Variants in CFAP298 observed in about 807,000 individuals in gnomAD.
CFAP298 encodes cilia and flagella associated protein 298, also known as cilia- and flagella-associated protein 298.
CFAP298 carries 38 observed loss-of-function variants against 41.0 expected under a neutral mutation model. The observed-to-expected ratio is 0.93, with a 90% confidence interval of 0.72 to 1.22. CFAP298 has a LOEUF of 1.22. Ranked by LOEUF, CFAP298 falls within the 50% of genes most tolerant of loss-of-function variation. The probability of loss-of-function intolerance (pLI) is 0.00; values close to 1 mark genes in which losing one functional copy is unlikely to be tolerated. For synonymous variants in CFAP298, 137 were observed against 135.3 expected, an observed-to-expected ratio of 1.01 and a Z score of -0.09; for missense variants, 348 against 360.3, an observed-to-expected ratio of 0.97 and a Z score of 0.28.
chr21:32,601,702 C>A lies in CFAP298; in HGVS notation c.*161G>T. 1.8e-6 allele frequency: 1 copy of A among 561,636 alleles called. No individual in the cohort carries two copies. The highest frequency in any genetic ancestry group is 3.2e-6 in the Non-Finnish European group (1 of 315,940). 34.8% of individuals were successfully genotyped at this position (561,636 alleles called of 1,614,324 possible). ...ACTAGGTATTTATTAAGTTCTAAAA[C>A]CTTGAATAACTGCTATTTTAAAAAT... On this transcript the variant is annotated 3_prime_UTR_variant, in exon 7 of 7. Transcript: ENST00000290155.
rs901289333 is a variant in CFAP298 at position 32,601,216 on chromosome 21, A to G, written c.*647T>C. Reference sequence around the variant, plus strand: ...CTAGTGGTCACTAGTGGTCACTGCCAGTCATCAGCTTTCCTCCAATAAACC... The same window carrying G: ...CTAGTGGTCACTAGTGGTCACTGCCGGTCATCAGCTTTCCTCCAATAAACC... On this transcript the variant is annotated 3_prime_UTR_variant, in exon 7 of 7. Coordinates refer to ENST00000290155, the MANE Select transcript of CFAP298 (RefSeq NM_021254.4). 1.3e-5 allele frequency among the ~76,000 whole-genome samples: 2 copies of G among 151,814 alleles called. No individual in the cohort carries two copies. The highest frequency in any genetic ancestry group is 2.9e-5 in the Non-Finnish European group (2 of 67,936).
chr21:32,603,657 C>A (rs1008720769), intron 4 of CFAP298, among the ~76,000 whole-genome samples: 1 of 152,178 alleles, frequency 6.6e-6, no homozygotes, highest in South Asian at 2.1e-4. Flanking sequence ...CTGCATATTT[C>A]ATTTATTTAA....
intron 5 of CFAP298, 64 bp downstream of exon 5, chr21:32,603,097 C>T (rs1413851641): frequency 6.4e-7 from 1 of 1,566,930 alleles, no homozygotes; most frequent in South Asian, 1.1e-5. Context: ...ATTCACTGTA[C>T]ATTTTTATCA....
At chr21:32,602,785 G>A (rs757493885) in intron 5 of CFAP298, 16 of 1,339,966 alleles carry the variant, frequency 1.2e-5, no homozygotes, top group Non-Finnish European at 1.5e-5. Flanking sequence ...TCCTTCAAAG[G>A]TCTCGAACCT....
chr21:32,601,288 CTTTTTTTT>C lies in CFAP298; in HGVS notation c.*567_*574del, dbSNP rs1158009254. On this transcript the variant is annotated 3_prime_UTR_variant, in exon 7 of 7. Transcript: ENST00000290155. Reference sequence around the variant, plus strand: ...CAATCAGGAAGAAAAAAAAGTGTAGCTTTTTTTTTTTTTTTTTTTTTTTTTGAGACAAG... The same window carrying C: ...CAATCAGGAAGAAAAAAAAGTGTAGCTTTTTTTTTTTTTTTTTGAGACAAG... Among the ~76,000 whole-genome samples the C allele has an allele frequency of 9.8e-5, 9 of 92,282 alleles. No homozygotes were observed. Among genetic ancestry groups the C allele is most frequent in the African/African-American group, 3.6e-4 (8 of 22,026 alleles). 60.5% of individuals were successfully genotyped at this position (92,282 alleles called of 152,430 possible). A position where few individuals can be genotyped will look rare whatever the true frequency, so the allele number is the denominator to read the frequency against.
At position 32,604,122 on chromosome 21, in the gene CFAP298, T is replaced by C. The variant is rs1480503799; in HGVS notation, c.534+3A>G. On this transcript the variant is annotated splice_donor_region_variant and intron_variant, in intron 4 of 6. Transcript: ENST00000290155. ...CCAGAGTACCCACTCACAAACTACG[T>C]ACCTGTGTTCCCGACAAGTCTTCCT... The C allele has an allele frequency of 1.9e-6, 3 of 1,613,180 alleles. No homozygotes were observed. Among genetic ancestry groups the C allele is most frequent in the Non-Finnish European group, 2.5e-6 (3 of 1,179,766 alleles).
chr21:32,604,572 G>A (rs1188421798), intron 3 of CFAP298: 2 of 360,826 alleles, frequency 5.5e-6, no homozygotes, highest in East Asian at 5.6e-5. Context: ...AGTGAGGATC[G>A]GGAGATACGG....
intron 3 of CFAP298, among the ~76,000 whole-genome samples, chr21:32,606,990 G>A (rs2038879620): frequency 6.6e-6 from 1 of 152,172 alleles, no homozygotes; most frequent in African/African-American, 2.4e-5. Context: ...TGTCTGGAGA[G>A]CTACTCGATG....
At chr21:32,602,518 G>A in intron 5 of CFAP298, 151 bp from the exon 6 acceptor site, 2 of 1,440,954 alleles carry the variant, frequency 1.4e-6, no homozygotes, top group African/African-American at 1.4e-5. Flanking sequence ...AGCATCAAGG[G>A]AAGCCTTGGT....
chr21:32,603,136 A>C (rs1200420735), intron 5 of CFAP298, 25 bp downstream of exon 5: 2 of 1,613,894 alleles, frequency 1.2e-6, no homozygotes, highest in East Asian at 4.5e-5. Flanking sequence ...AAAACTACTG[A>C]CACATTAAAG....
At chr21:32,602,044 A>T (rs2038753141) in intron 6 of CFAP298, 71 bp from the exon 7 acceptor site, 4 of 1,045,798 alleles carry the variant, frequency 3.8e-6, no homozygotes, top group African/African-American at 1.6e-5. Flanking sequence ...GACTGAAGAA[A>T]GAGTCCATGA....
chr21:32,602,790 G>A lies in CFAP298; in HGVS notation c.666+371C>T, dbSNP rs1025722204. ...CTACACGATGTCCTTCAAAGGTCTC[G>A]AACCTTTCCTCCTCCCCCTCCTGTA... On this transcript the variant is annotated intron_variant, in intron 5 of 6. Transcript: ENST00000290155. The A allele has an allele frequency of 8.9e-6, 12 of 1,346,482 alleles. No individual in the cohort carries two copies. In the Admixed American group the frequency reaches 1.4e-4, roughly 15 times the overall value. The allele number at this position is 1,346,482 out of a possible 1,614,324, so 83.4% of individuals were successfully genotyped here.
chr21:32,601,377 A>AC lies in CFAP298; in HGVS notation c.*485_*486insG, dbSNP rs572811332. ...AGTGGCAGTGATCTTGGCTCACTGT[A>AC]AGCTCCACCTCCCGGGTTCACGCCA... On this transcript the variant is annotated 3_prime_UTR_variant, in exon 7 of 7. Transcript: ENST00000290155. 6.1e-3 allele frequency among the ~76,000 whole-genome samples: 848 copies of AC among 138,566 alleles called. 2 individuals are homozygous for AC. The highest frequency in any genetic ancestry group is 9.5e-3 in the Non-Finnish European group (631 of 66,526). 90.9% of individuals were successfully genotyped at this position (138,566 alleles called of 152,430 possible).
At position 32,601,751 on chromosome 21, in the gene CFAP298, T is replaced by A. The variant is rs2038743400; in HGVS notation, c.*112A>T. 1.7e-6 allele frequency: 1 copy of A among 601,588 alleles called. No homozygotes were observed. The allele number at this position is 601,588 out of a possible 1,614,324, so 37.3% of individuals were successfully genotyped here. A position where few individuals can be genotyped will look rare whatever the true frequency, so the allele number is the denominator to read the frequency against. On this transcript the variant is annotated 3_prime_UTR_variant, in exon 7 of 7. Coordinates refer to ENST00000290155, the MANE Select transcript of CFAP298 (RefSeq NM_021254.4). ...ATTCACACTAAAAGAAAACTAGAAA[T>A]GTTAACATCTTTTACAGAGGGCAGT...
At chr21:32,605,845 G>GC (rs2146558623) in intron 3 of CFAP298, among the ~76,000 whole-genome samples, 1 of 152,328 alleles carries the variant, frequency 6.6e-6, no homozygotes, top group South Asian at 2.1e-4. Context: ...TGGGGTCTGT[G>GC]CTGTCTCTGA....
chr21:32,609,731 C>T, intron 2 of CFAP298, 107 bp downstream of exon 2: 2 of 1,055,144 alleles, frequency 1.9e-6, no homozygotes, highest in Non-Finnish European at 2.7e-6. Context: ...TGCCACTGCA[C>T]TCCAGCCTGG....
chr21:32,610,082 G>C (rs1290688518), intron 1 of CFAP298, 77 bp from the exon 2 acceptor site: 1 of 1,320,792 alleles, frequency 7.6e-7, no homozygotes, highest in Non-Finnish European at 1.0e-6. Flanking sequence ...AAAGAGTCAG[G>C]GGTCTTGCCC....
At position 32,609,838 on chromosome 21, in the gene CFAP298, C is replaced by T; in HGVS notation, c.307G>A (p.Ala103Thr). ...KDDIGRRNGQ[A>T]PNEKMKQVLK... ...ACATAGAAGAGAAATCCTCACTTAC[C>T]TTGCCCATTCCTTCGTCCAATATCA... is the stretch of plus-strand genomic sequence containing the variant. Residue 103 changes from alanine to threonine, a missense_variant and splice_region_variant, in exon 2 of 7, where the codon GCT (alanine) becomes ACT (threonine). Physicochemically the swap from Ala to Thr is moderately conservative, Grantham distance 58. Coordinates refer to ENST00000290155, the MANE Select transcript of CFAP298 (RefSeq NM_021254.4). 2 of 1,612,786 alleles carry T rather than the reference C, an allele frequency of 1.2e-6. No homozygotes were observed. Among genetic ancestry groups the T allele is most frequent in the South Asian group, 2.2e-5 (2 of 90,898 alleles).
chr21:32,606,046 A>T (rs1406370665), intron 3 of CFAP298, among the ~76,000 whole-genome samples: 1 of 152,232 alleles, frequency 6.6e-6, no homozygotes, highest in East Asian at 1.9e-4. Context: ...AGAAGGGAGA[A>T]GTGTTGAAGA....
Sources: gnomAD v4.1 joint callset for allele counts (sites outside exome capture counted in the v4.1 genomes callset) on GRCh38, gnomAD v4.1.1 for gene constraint, MANE v1.5 for transcripts, NCBI Gene and HGNC (gene_info 2026-07-23, HGNC 2026-07-21) for gene names.